The following RAPGEF1 variants were observed in gnomAD, a reference collection of about 807,000 sequenced individuals.
RAPGEF1 encodes the protein Rap guanine nucleotide exchange factor 1.
Under a neutral mutation model 143.3 loss-of-function variants are expected in RAPGEF1, and 33 were observed. The observed-to-expected ratio is 0.23, with a 90% CI of 0.17 to 0.31. The LOEUF (loss-of-function observed/expected upper bound fraction) is 0.31. Among genes scored for constraint, RAPGEF1 ranks in the 10% least tolerant of loss-of-function variants. The pLI, the probability that RAPGEF1 is intolerant of heterozygous loss-of-function variation, is 1.00. For missense variants in RAPGEF1, 1,199 were observed against 1,645.4 expected, an observed-to-expected ratio of 0.73 and a Z score of 4.69; for synonymous variants, 629 against 676.5, an observed-to-expected ratio of 0.93 and a Z score of 1.09.
rs41297229 is a variant in RAPGEF1 at position 131,629,161 on chromosome 9, C to T, written c.834G>A (p.Thr278=). The T allele has an allele frequency of 3.8e-3, 6,077 of 1,614,010 alleles. 19 individuals are homozygous for T. The highest frequency in any genetic ancestry group is 4.8e-3 in the Non-Finnish European group (5,647 of 1,179,884). Residue 278 remains threonine (T), a synonymous_variant, in exon 7 of 27, where the codon ACG becomes ACA. Coordinates refer to ENST00000683357, the MANE Select transcript of RAPGEF1 (RefSeq NM_001377935.1). ...SQSTELLPDA[T]DEEVAPPKPP... ...GCTTGGGGGGCGCGACCTCTTCATC[C>T]GTGGCATCTGGGAGGAGCTCAGTTG... is the stretch of plus-strand genomic sequence containing the variant.
intron 1 of RAPGEF1, among the ~76,000 whole-genome samples, chr9:131,680,970 C>T (rs1185526047): frequency 1.3e-5 from 2 of 152,048 alleles, no homozygotes; most frequent in Non-Finnish European, 2.9e-5. Flanking sequence ...TGGAGGACAC[C>T]CGAGTACTCT....
intron 1 of RAPGEF1, among the ~76,000 whole-genome samples, chr9:131,729,567 G>T (rs1836890830): frequency 6.6e-6 from 1 of 152,238 alleles, no homozygotes; most frequent in Non-Finnish European, 1.5e-5. Flanking sequence ...AAGCCCCGGG[G>T]GAACCCCAGA....
intron 10 of RAPGEF1, among the ~76,000 whole-genome samples, chr9:131,623,273 C>T (rs1000128530): frequency 6.6e-5 from 10 of 151,788 alleles, no homozygotes; most frequent in African/African-American, 2.4e-4. Flanking sequence ...CCAGCCTGGG[C>T]AACATAGTGA....
chr9:131,640,576 A>G (rs1448309741), intron 4 of RAPGEF1, among the ~76,000 whole-genome samples: 1 of 151,284 alleles, frequency 6.6e-6, no homozygotes, highest in East Asian at 1.9e-4. Context: ...CAATGGAGCA[A>G]AGCCCTCCGC....
rs1564190348 is a variant in RAPGEF1, at chr9:131,709,622, T to C, written c.61+30148A>G. ...AAGGAAGCCCAGGGCTTTCTTACCT[T>C]GTTTCCAGGGGTACAGATGACTTCG... On this transcript the variant is annotated intron_variant, in intron 1 of 26. Transcript: ENST00000683357. The C allele has an allele frequency of 1.9e-6, 3 of 1,613,848 alleles. No individual in the cohort carries two copies. In the Admixed American group the frequency reaches 5.0e-5, roughly 27 times the overall value.
chr9:131,592,032 C>T, intron 18 of RAPGEF1, 67 bp downstream of exon 18: 2 of 1,281,972 alleles, frequency 1.6e-6, no homozygotes, highest in Non-Finnish European at 1.1e-6. Context: ...GACTGAAGGG[C>T]AAGAGGGTCC....
intron 1 of RAPGEF1, among the ~76,000 whole-genome samples, chr9:131,721,132 A>C (rs1304531099): frequency 6.6e-6 from 1 of 152,186 alleles, no homozygotes; most frequent in Non-Finnish European, 1.5e-5. Context: ...GCATTAGAAC[A>C]GGCTGTGGAC....
intron 1 of RAPGEF1, among the ~76,000 whole-genome samples, chr9:131,713,185 C>A (rs187019966): frequency 9.8e-4 from 150 of 152,308 alleles, no homozygotes; most frequent in African/African-American, 3.3e-3. Flanking sequence ...TGCACAAATA[C>A]GCCGAGAACG....
intron 1 of RAPGEF1, among the ~76,000 whole-genome samples, chr9:131,678,063 C>T (rs1320250533): frequency 5.9e-5 from 9 of 152,224 alleles, no homozygotes; most frequent in South Asian, 2.1e-4. Context: ...TCGAGGTCAA[C>T]GCAAACCACG....
chr9:131,624,885 G>T (rs1357006360), intron 10 of RAPGEF1, among the ~76,000 whole-genome samples: 2 of 152,228 alleles, frequency 1.3e-5, no homozygotes, highest in East Asian at 3.8e-4. Flanking sequence ...CACAAGCTGG[G>T]CAACACCCAC....
rs553122424 is a variant in RAPGEF1 at position 131,591,023 on chromosome 9, C to G, written c.2775-1045G>C. Among the ~76,000 whole-genome samples the G allele has an allele frequency of 5.3e-5, 8 of 152,350 alleles. No individual in the cohort carries two copies. The South Asian group carries it at 1.7e-3, about 32-fold the overall frequency. On this transcript the variant is annotated intron_variant, in intron 18 of 26. Coordinates refer to ENST00000683357, the MANE Select transcript of RAPGEF1 (RefSeq NM_001377935.1). ...TTAAAAAATGGTCATAGAGCTAGGG[C>G]TAGGTGAAAGCACAGGTGTAAAGCA...
chr9:131,712,465 C>T (rs1303054803), intron 1 of RAPGEF1, among the ~76,000 whole-genome samples: 1 of 152,090 alleles, frequency 6.6e-6, no homozygotes, highest in Non-Finnish European at 1.5e-5. Flanking sequence ...GTATGGGCGG[C>T]TGGGGCGCTG....
At chr9:131,668,358 A>G (rs1830777450) in intron 1 of RAPGEF1, among the ~76,000 whole-genome samples, 1 of 152,246 alleles carries the variant, frequency 6.6e-6, no homozygotes, top group Non-Finnish European at 1.5e-5. Context: ...TAAAATTTAG[A>G]TTTTTAAAAA....
chr9:131,615,198 A>G (rs889904410), intron 12 of RAPGEF1, among the ~76,000 whole-genome samples: 1 of 152,164 alleles, frequency 6.6e-6, no homozygotes, highest in African/African-American at 2.4e-5. Flanking sequence ...TCAGCCTCCC[A>G]AGTAGCTGGG....
chr9:131,654,759 G>A (rs1171025603), intron 1 of RAPGEF1, among the ~76,000 whole-genome samples: 1 of 152,178 alleles, frequency 6.6e-6, no homozygotes, highest in African/African-American at 2.4e-5. Context: ...TGTTTTCCCA[G>A]TGCTGACATG....
At chr9:131,591,389 G>C (rs536576293) in intron 18 of RAPGEF1, among the ~76,000 whole-genome samples, 2 of 152,314 alleles carry the variant, frequency 1.3e-5, no homozygotes, top group East Asian at 3.9e-4. Flanking sequence ...GGTGGCTGAG[G>C]AGCAGCTGAC....
intron 15 of RAPGEF1, among the ~76,000 whole-genome samples, chr9:131,598,804 A>C (rs1955752601): frequency 6.7e-6 from 1 of 149,900 alleles, no homozygotes; most frequent in African/African-American, 2.5e-5. Context: ...TCAGTCGAGC[A>C]GGAGACAGAA....
At chr9:131,669,806 G>A (rs1051440178) in intron 1 of RAPGEF1, among the ~76,000 whole-genome samples, 8 of 152,216 alleles carry the variant, frequency 5.3e-5, no homozygotes, top group Admixed American at 5.2e-4. Flanking sequence ...CCTGGTTTAA[G>A]CACAGACAGA....
chr9:131,702,097 G>A (rs549295881), intron 1 of RAPGEF1, among the ~76,000 whole-genome samples: 269 of 152,304 alleles, frequency 1.8e-3, no homozygotes, highest in Non-Finnish European at 3.1e-3. Flanking sequence ...CAATTGAATT[G>A]ATGCTCTTGT....
Sources: gnomAD v4.1 joint callset for allele counts (sites outside exome capture counted in the v4.1 genomes callset) on GRCh38, gnomAD v4.1.1 for gene constraint, MANE v1.5 for transcripts, NCBI Gene and HGNC (gene_info 2026-07-23, HGNC 2026-07-21) for gene names.